The following KIF4A variants were observed in gnomAD, a reference collection of about 807,000 sequenced individuals.
The protein encoded by KIF4A is kinesin family member 4A, also known as chromosome-associated kinesin KIF4A.
KIF4A carries 7 observed loss-of-function variants against 105.9 expected under a neutral mutation model. That is an observed-to-expected ratio of 0.07 (90% CI 0.04 to 0.12). The LOEUF (loss-of-function observed/expected upper bound fraction) is 0.12. Ranked by LOEUF, KIF4A falls within the 10% of genes least tolerant of loss-of-function variation. KIF4A has a pLI of 1.00. For synonymous variants in KIF4A, 281 were observed against 331.3 expected (o/e 0.85, Z 1.65); for missense variants, 558 against 929.2 (o/e 0.60, Z 5.19).
intron 5 of KIF4A, among the ~76,000 whole-genome samples, chrX:70,301,056 A>G (rs765576860): frequency 3.3e-4 from 37 of 111,870 alleles, no homozygotes; most frequent in Non-Finnish European, 6.6e-4. Context: ...AATGACTAGT[A>G]GTTGGTGATA....
At chrX:70,334,231 C>T (rs987524439) in intron 10 of KIF4A, among the ~76,000 whole-genome samples, 3 of 111,844 alleles carry the variant, frequency 2.7e-5, no homozygotes, top group African/African-American at 9.8e-5. Context: ...GGTACTAGCG[C>T]CAGCTGTGTT....
intron 10 of KIF4A, among the ~76,000 whole-genome samples, chrX:70,335,595 G>A (rs745582578): frequency 8.9e-6 from 1 of 112,157 alleles, no homozygotes; most frequent in Non-Finnish European, 1.9e-5. Flanking sequence ...TGGGATATAA[G>A]TACAATTTTA....
intron 1 of KIF4A, 61 bp downstream of exon 1, chrX:70,290,211 G>T: frequency 2.8e-6 from 1 of 353,665 alleles, no homozygotes. Context: ...CTAGGGCTTT[G>T]GTTCTTTGTC....
intron 29 of KIF4A, 119 bp from the exon 30 acceptor site, chrX:70,419,542 C>A: frequency 1.1e-6 from 1 of 881,943 alleles, no homozygotes; most frequent in Non-Finnish European, 1.7e-6. Flanking sequence ...CTCCCTAAGA[C>A]TTGCTTCAGC....
At chrX:70,335,502 A>T (rs2085946984) in intron 10 of KIF4A, among the ~76,000 whole-genome samples, 1 of 112,432 alleles carries the variant, frequency 8.9e-6, no homozygotes, top group African/African-American at 3.2e-5. Flanking sequence ...ACTAGTGAAC[A>T]ACACACTTAA....
At chrX:70,301,840 A>G (rs1328473165) in intron 5 of KIF4A, 60 bp from the exon 6 acceptor site, 7 of 1,157,110 alleles carry the variant, frequency 6.0e-6, no homozygotes, top group African/African-American at 1.8e-5. Context: ...CAATCCCTAT[A>G]TTTCTGACCA....
chrX:70,303,033 A>G (rs765364617), intron 7 of KIF4A, among the ~76,000 whole-genome samples: 2 of 112,096 alleles, frequency 1.8e-5, no homozygotes, highest in Admixed American at 9.5e-5. Flanking sequence ...TGTATTTCTC[A>G]TAGCTACCAG....
Position 70,352,654 on chromosome X carries a change from G to A in KIF4A, c.1486G>A (p.Ala496Thr), listed in dbSNP as rs150822673. 36 of 1,180,917 alleles carry A rather than the reference G, an allele frequency of 3.0e-5. No homozygotes were observed. The highest frequency in any genetic ancestry group is 4.7e-4 in the Middle Eastern group (2 of 4,253). The change falls in exon 14 of 31, where the codon GCC (alanine) becomes ACC (threonine). Residue 496 changes from alanine to threonine, a missense_variant and splice_region_variant. Transcript: ENST00000374403. ...AAIDTAVEQEAQVETSPETSR... is the reference protein window; with the variant it reads ...AAIDTAVEQETQVETSPETSR... ...CATTGATACTGCGGTGGAGCAAGAA[G>A]CCGTAAGTAATTGGCCCCTTTGTGT...
intron 7 of KIF4A, among the ~76,000 whole-genome samples, chrX:70,304,237 A>G (rs1451780145): frequency 1.3e-4 from 13 of 102,991 alleles, no homozygotes; most frequent in African/African-American, 7.1e-5. Flanking sequence ...ATGATTTCCA[A>G]TTTCATCCAT....
At chrX:70,419,034 G>A (rs1354041052) in intron 29 of KIF4A, among the ~76,000 whole-genome samples, 1 of 108,233 alleles carries the variant, frequency 9.2e-6, no homozygotes, top group Non-Finnish European at 1.9e-5. Flanking sequence ...GCAGTGAGCT[G>A]AGATCGTGCC....
At position 70,353,773 on chromosome X, in the gene KIF4A, A is replaced by G; in HGVS notation, c.1640A>G (p.Asp547Gly). Residue 547 changes from aspartate to glycine, a missense_variant, in exon 15 of 31, where the codon GAC becomes GGC. This residue lies in a region of KIF4A where 469 missense variants were observed against 680.4 expected (regional missense o/e 0.69). Coordinates refer to ENST00000374403, the MANE Select transcript of KIF4A (RefSeq NM_012310.5). ...CTGGCTAGGAAGATGACTCAGAATG[A>G]CAGCCAACTGCAGCCCATTCAGTAC... Reference protein sequence around the residue: ...EALARKMTQNDSQLQPIQYQY... With the variant: ...EALARKMTQNGSQLQPIQYQY... 1 of 1,197,257 alleles carries G rather than the reference A, an allele frequency of 8.4e-7. No individual in the cohort carries two copies. The highest frequency in any genetic ancestry group is 3.0e-5 in the East Asian group (1 of 33,463).
At position 70,353,647 on chromosome X, in the gene KIF4A, G is replaced by A. The variant is rs767583863; in HGVS notation, c.1514G>A (p.Ser505Asn). 2 of 1,208,726 alleles carry A rather than the reference G, an allele frequency of 1.7e-6. No individual in the cohort carries two copies. Among genetic ancestry groups the A allele is most frequent in the African/African-American group, 1.8e-5 (1 of 57,088 alleles). Residue 505 changes from serine to asparagine, a missense_variant, in exon 15 of 31, where the codon AGC (serine) becomes AAC (asparagine). Around this residue, in one of 2 missense-constraint regions of KIF4A, gnomAD observed 469 missense variants for 680.4 expected, o/e 0.69. Coordinates refer to ENST00000374403, the MANE Select transcript of KIF4A (RefSeq NM_012310.5). ...CAAGTAGAAACCAGTCCAGAGACGA[G>A]CAGGTCTTCTGACGCTTTTACCACT... The part of the protein sequence containing the change: ...EAQVETSPET[S>N]RSSDAFTTQH...
At chrX:70,388,289 A>G (rs9284559) in intron 20 of KIF4A, among the ~76,000 whole-genome samples, 47,824 of 110,159 alleles carry the variant, frequency 0.43, 8,419 homozygotes, top group Non-Finnish European at 0.55. Context: ...ATTTGTTTTT[A>G]TATCCATCTG....
intron 3 of KIF4A, among the ~76,000 whole-genome samples, chrX:70,291,739 T>C (rs968710166): frequency 8.9e-6 from 1 of 112,176 alleles, no homozygotes; most frequent in Non-Finnish European, 1.9e-5. Context: ...AAATGCGTTC[T>C]AACAATATCT....
chrX:70,406,330 T>C lies in KIF4A; in HGVS notation c.3048T>C (p.Ser1016=), dbSNP rs1380092286. ...AGGATACCCTTCTATCTCCAGACTC[T>C]TCTTTTGAATATGTCCCACCTAAGG... ...LPKDTLLSPD[S]SFEYVPPKPK... is the part of the protein sequence containing the mutation. Residue 1016 remains serine (S), a synonymous_variant, in exon 27 of 31, where the codon TCT becomes TCC. Coordinates refer to ENST00000374403, the MANE Select transcript of KIF4A (RefSeq NM_012310.5). 8.3e-7 allele frequency: 1 copy of C among 1,201,322 alleles called. No individual in the cohort carries two copies. The highest frequency in any genetic ancestry group is 3.0e-5 in the East Asian group (1 of 33,749).
chrX:70,328,386 C>T (rs747167289), intron 7 of KIF4A, among the ~76,000 whole-genome samples: 135 of 110,863 alleles, frequency 1.2e-3, no homozygotes, highest in Non-Finnish European at 2.3e-3. Flanking sequence ...TAATTCTCTC[C>T]AGTCCTCTTA....
At chrX:70,322,773 C>T (rs1380219172) in intron 7 of KIF4A, among the ~76,000 whole-genome samples, 1 of 105,537 alleles carries the variant, frequency 9.5e-6, no homozygotes, top group Non-Finnish European at 1.9e-5. Flanking sequence ...CCTGTCAGTC[C>T]TAACTTTTCA....
intron 7 of KIF4A, among the ~76,000 whole-genome samples, chrX:70,310,669 G>A (rs190886508): frequency 1.1e-3 from 124 of 111,061 alleles, no homozygotes; most frequent in Admixed American, 5.7e-3. Flanking sequence ...AACATGGTTT[G>A]TATCATTTTA....
intron 7 of KIF4A, among the ~76,000 whole-genome samples, chrX:70,318,069 G>T (rs758606078): frequency 9.1e-6 from 1 of 110,043 alleles, no homozygotes; most frequent in Non-Finnish European, 1.9e-5. Context: ...GTAGCGATGG[G>T]GTTTCACCAT....
Sources: allele counts gnomAD v4.1 joint callset (sites outside exome capture counted in the v4.1 genomes callset), GRCh38; gene constraint gnomAD v4.1.1; regional missense constraint gnomAD v4.1.1; transcripts MANE v1.5; gene names NCBI Gene and HGNC (gene_info 2026-07-23, HGNC 2026-07-21).